Variants in PDGFD observed in about 807,000 individuals in gnomAD.
PDGFD encodes the protein platelet-derived growth factor D.
In PDGFD, 30 loss-of-function variants were observed where a neutral mutation model predicts 44.7. The ratio of observed to expected loss-of-function variants is 0.67; its 90% CI spans 0.50 to 0.91. The LOEUF (loss-of-function observed/expected upper bound fraction) is 0.91. PDGFD is among the 40% of genes least tolerant of loss of function. The pLI is 0.00. For missense variants in PDGFD, 445 were observed against 457.8 expected, an observed-to-expected ratio of 0.97 and a Z score of 0.25; for synonymous variants, 173 against 168.4, an observed-to-expected ratio of 1.03 and a Z score of -0.21.
rs574233764 is a variant in PDGFD, at chr11:104,133,729, T to C, written c.124+30075A>G. On this transcript the variant is annotated intron_variant, in intron 1 of 6. Coordinates refer to ENST00000393158, the MANE Select transcript of PDGFD (RefSeq NM_025208.5). Reference sequence around the variant, plus strand: ...TGCTGCTATGTGTCATATAATGTAATAGACAAGGCTCGTGAGGGCAAGAGT... The same window carrying C: ...TGCTGCTATGTGTCATATAATGTAACAGACAAGGCTCGTGAGGGCAAGAGT... Among the ~76,000 whole-genome samples, 18 of 152,316 alleles carry C rather than the reference T, an allele frequency of 1.2e-4. No homozygotes were observed. In the South Asian group the frequency reaches 3.1e-3, roughly 26 times the overall value.
intron 1 of PDGFD, among the ~76,000 whole-genome samples, chr11:104,147,183 CT>C (rs1862174797): frequency 6.6e-6 from 1 of 152,108 alleles, no homozygotes; most frequent in Non-Finnish European, 1.5e-5. Flanking sequence ...CCTTTCCAAT[CT>C]TGTGTGCTTG....
intron 6 of PDGFD, 86 bp from the exon 7 acceptor site, chr11:103,909,905 T>C (rs372424030): frequency 7.8e-6 from 12 of 1,535,090 alleles, no homozygotes; most frequent in South Asian, 3.4e-5. Context: ...TTTTGACAAC[T>C]AGTTCTTAGC....
chr11:103,937,725 C>T (rs907644261), intron 5 of PDGFD, among the ~76,000 whole-genome samples: 9 of 125,992 alleles, frequency 7.1e-5, no homozygotes, highest in African/African-American at 2.1e-4. Context: ...CACAACAGTC[C>T]TCAGTGTGTG....
chr11:104,074,822 G>A (rs868133332), intron 1 of PDGFD, among the ~76,000 whole-genome samples: 1 of 152,204 alleles, frequency 6.6e-6, no homozygotes, highest in African/African-American at 2.4e-5. Context: ...TTCAGGTGCT[G>A]ATTGCCTGGG....
intron 1 of PDGFD, among the ~76,000 whole-genome samples, chr11:104,033,995 C>T (rs260795): frequency 0.031 from 4,674 of 152,110 alleles, 259 homozygotes; most frequent in African/African-American, 0.11. Flanking sequence ...TATGATGAAA[C>T]ACTGTCTTTC....
chr11:103,992,742 G>C (rs1859477077), intron 3 of PDGFD, among the ~76,000 whole-genome samples: 1 of 152,200 alleles, frequency 6.6e-6, no homozygotes, highest in African/African-American at 2.4e-5. Context: ...TTATCCATTA[G>C]TCTCCACAGT....
At chr11:103,970,698 G>C (rs1859090558) in intron 3 of PDGFD, among the ~76,000 whole-genome samples, 1 of 152,092 alleles carries the variant, frequency 6.6e-6, no homozygotes. Context: ...ATTTTTCAGA[G>C]AGTGACTTAG....
intron 1 of PDGFD, among the ~76,000 whole-genome samples, chr11:104,022,221 A>G (rs1406430879): frequency 6.6e-6 from 1 of 152,150 alleles, no homozygotes; most frequent in African/African-American, 2.4e-5. Flanking sequence ...TAAAATAGTT[A>G]TGATAAAGTA....
Position 104,102,698 on chromosome 11 carries a change from A to C in PDGFD, c.124+61106T>G, listed in dbSNP as rs1438920537. Among the ~76,000 whole-genome samples, 4 of 152,192 alleles carry C rather than the reference A, an allele frequency of 2.6e-5. No individual in the cohort carries two copies. In the South Asian group the frequency reaches 8.3e-4, roughly 31 times the overall value. The stretch of plus-strand genomic sequence containing the variant: ...CAACCCAAATGTCCATCAGTGATAG[A>C]CTGGATTAAGAAAATGTGGCACATA... On this transcript the variant is annotated intron_variant, in intron 1 of 6. Coordinates refer to ENST00000393158, the MANE Select transcript of PDGFD (RefSeq NM_025208.5).
intron 3 of PDGFD, among the ~76,000 whole-genome samples, chr11:103,992,341 C>A (rs1214529409): frequency 1.3e-5 from 2 of 152,026 alleles, no homozygotes; most frequent in African/African-American, 2.4e-5. Context: ...AGCAGATAAG[C>A]GTGTATCTGG....
intron 4 of PDGFD, among the ~76,000 whole-genome samples, chr11:103,945,086 G>A (rs1017037263): frequency 4.6e-5 from 7 of 151,948 alleles, no homozygotes; most frequent in Non-Finnish European, 1.0e-4. Context: ...GTGTATCCAG[G>A]TAATAATGAT....
rs1436614839 is a variant in PDGFD at position 104,047,339 on chromosome 11, T to C, written c.125-47084A>G. 3.4e-5 allele frequency among the ~76,000 whole-genome samples: 5 copies of C among 147,782 alleles called. 1 individual carries two copies. Among genetic ancestry groups the C allele is most frequent in the Non-Finnish European group, 4.5e-5 (3 of 66,114 alleles). On this transcript the variant is annotated intron_variant, in intron 1 of 6. Transcript: ENST00000393158. ...ACACTGTCTTCCACAATAGTTGAAC[T>C]AACTTACACTCCCACCAACAGTGTA...
chr11:103,928,639 G>GC (rs1355314533), intron 5 of PDGFD, among the ~76,000 whole-genome samples: 2 of 152,182 alleles, frequency 1.3e-5, no homozygotes, highest in Non-Finnish European at 1.5e-5. Context: ...CATACGCTGA[G>GC]CCCAGGATAC....
chr11:104,111,578 T>C (rs914239426), intron 1 of PDGFD, among the ~76,000 whole-genome samples: 10 of 152,096 alleles, frequency 6.6e-5, no homozygotes, highest in Admixed American at 6.6e-4. Context: ...TATTTTTCTA[T>C]GAACAAGTAA....
At chr11:104,129,357 T>C (rs1861884641) in intron 1 of PDGFD, among the ~76,000 whole-genome samples, 1 of 151,444 alleles carries the variant, frequency 6.6e-6, no homozygotes, top group African/African-American at 2.4e-5. Context: ...CGCATAAAGA[T>C]TTAACAGCAC....
intron 1 of PDGFD, among the ~76,000 whole-genome samples, chr11:104,018,820 A>T (rs1415185292): frequency 6.6e-6 from 1 of 152,072 alleles, no homozygotes; most frequent in African/African-American, 2.4e-5. Flanking sequence ...TCTTTTTCTC[A>T]TTTAACATAT....
chr11:103,970,149 T>C (rs1022010938), intron 3 of PDGFD, among the ~76,000 whole-genome samples: 1 of 152,122 alleles, frequency 6.6e-6, no homozygotes, highest in Non-Finnish European at 1.5e-5. Context: ...AGACATCCTT[T>C]CTATGGAAAT....
intron 1 of PDGFD, among the ~76,000 whole-genome samples, chr11:104,156,145 G>A (rs1277771411): frequency 6.6e-6 from 1 of 152,022 alleles, no homozygotes; most frequent in African/African-American, 2.4e-5. Flanking sequence ...AAAACATGTT[G>A]TACATGATAT....
At chr11:104,038,365 G>GA (rs1308133861) in intron 1 of PDGFD, 1 of 217,630 alleles carries the variant, frequency 4.6e-6, no homozygotes, top group African/African-American at 2.3e-5. Context: ...GAATTCCCTG[G>GA]AAAAATGCTA....
Sources: allele counts gnomAD v4.1 joint callset (sites outside exome capture counted in the v4.1 genomes callset), GRCh38; gene constraint gnomAD v4.1.1; transcripts MANE v1.5; gene names NCBI Gene and HGNC (gene_info 2026-07-23, HGNC 2026-07-21).